The following PABPC4L variants were observed in gnomAD, a reference collection of about 807,000 sequenced individuals.
The protein encoded by PABPC4L is polyadenylate-binding protein 4-like.
For synonymous variants in PABPC4L, 169 were observed against 164.1 expected (o/e 1.03, Z -0.23); for missense variants, 452 against 451.4 (o/e 1.00, Z -0.01).
In PABPC4L at chr4:134,199,808, C is replaced by G; in HGVS notation, c.*99G>C. The G allele has an allele frequency of 7.1e-7, 1 of 1,405,772 alleles. No individual in the cohort carries two copies. 87.1% of individuals were successfully genotyped at this position (1,405,772 alleles called of 1,614,324 possible). ...AAAGTTTACTAAACTAAGCACCCAT[C>G]ATGTGGAATATGAAATTTACTGAGG... On this transcript the variant is annotated 3_prime_UTR_variant, in exon 2 of 2. Transcript: ENST00000421491.
chr4:134,009,381 A>G, the PABPC4L span, among the ~76,000 whole-genome samples: 2 of 152,000 alleles, frequency 1.3e-5, no homozygotes, highest in South Asian at 2.1e-4. Context: ...GACTATACTT[A>G]ATAGACTATA....
the PABPC4L span, among the ~76,000 whole-genome samples, chr4:134,122,732 T>C: frequency 6.6e-6 from 1 of 151,878 alleles, no homozygotes; most frequent in Non-Finnish European, 1.5e-5. Flanking sequence ...TCTTTGATTA[T>C]TAATACAAAT....
chr4:134,093,664 T>G, the PABPC4L span, among the ~76,000 whole-genome samples: 1 of 150,618 alleles, frequency 6.6e-6, no homozygotes, highest in African/African-American at 2.4e-5. Context: ...GAGACCACCA[T>G]CAGGGTCAGA....
the PABPC4L span, among the ~76,000 whole-genome samples, chr4:134,018,428 G>A: frequency 2.6e-5 from 4 of 152,088 alleles, no homozygotes; most frequent in African/African-American, 4.8e-5. Flanking sequence ...ACATATCACA[G>A]GCATTTGGTG....
At chr4:134,066,281 C>T in the PABPC4L span, among the ~76,000 whole-genome samples, 1 of 152,002 alleles carries the variant, frequency 6.6e-6, no homozygotes, top group Non-Finnish European at 1.5e-5. Context: ...TAGCTCTATT[C>T]CTAGACATTT....
At chr4:134,038,552 A>G in the PABPC4L span, among the ~76,000 whole-genome samples, 78,374 of 151,842 alleles carry the variant, frequency 0.52, 21,600 homozygotes, top group East Asian at 0.93. Flanking sequence ...AGTCTTGGGA[A>G]GGTGTATGTG....
chr4:133,978,884 T>C, the PABPC4L span: 2 of 152,166 alleles, frequency 1.3e-5, no homozygotes. Context: ...TCCAGGAAAT[T>C]ACTGGACATC....
chr4:134,017,227 T>C, the PABPC4L span, among the ~76,000 whole-genome samples: 1 of 152,104 alleles, frequency 6.6e-6, no homozygotes, highest in Non-Finnish European at 1.5e-5. Flanking sequence ...ACCAAGTTCA[T>C]CCACCAACTT....
At chr4:134,134,492 A>T in the PABPC4L span, among the ~76,000 whole-genome samples, 1 of 151,794 alleles carries the variant, frequency 6.6e-6, no homozygotes, top group African/African-American at 2.4e-5. Context: ...AAGCAAAGTA[A>T]TTTTTTTAAA....
chr4:134,009,851 A>C, the PABPC4L span, among the ~76,000 whole-genome samples: 65 of 152,184 alleles, frequency 4.3e-4, no homozygotes, highest in Non-Finnish European at 9.0e-4. Context: ...TTCTATACTA[A>C]TGTCAAAGAG....
chr4:134,037,051 C>T, the PABPC4L span, among the ~76,000 whole-genome samples: 1 of 83,118 alleles, frequency 1.2e-5, no homozygotes, highest in East Asian at 1.5e-3. Flanking sequence ...AGCAAAACTC[C>T]ATCTCAAAAA....
At chr4:134,178,311 C>T in the PABPC4L span, among the ~76,000 whole-genome samples, 1 of 136,252 alleles carries the variant, frequency 7.3e-6, no homozygotes, top group Admixed American at 8.0e-5. Flanking sequence ...GTGAGTAAAC[C>T]AAACACACCA....
the PABPC4L span, among the ~76,000 whole-genome samples, chr4:134,096,397 G>T: frequency 6.6e-5 from 10 of 151,782 alleles, no homozygotes; most frequent in African/African-American, 1.2e-4. Context: ...ATCAACATAG[G>T]CTTAAATTTT....
the PABPC4L span, among the ~76,000 whole-genome samples, chr4:134,002,410 A>T: frequency 6.6e-6 from 1 of 151,968 alleles, no homozygotes; most frequent in Admixed American, 6.6e-5. Context: ...AAAGTGATAG[A>T]CATATATTTG....
chr4:133,992,261 C>A, the PABPC4L span, among the ~76,000 whole-genome samples: 2 of 152,182 alleles, frequency 1.3e-5, no homozygotes, highest in South Asian at 4.1e-4. Flanking sequence ...ATGGGCTTCT[C>A]CCCTGTGGTA....
the PABPC4L span, among the ~76,000 whole-genome samples, chr4:134,133,320 T>C: frequency 1.4e-5 from 2 of 141,870 alleles, no homozygotes; most frequent in Admixed American, 7.3e-5. Context: ...TACATAATTA[T>C]ATATTTAATT....
At chr4:133,952,377 A>G in the PABPC4L span, among the ~76,000 whole-genome samples, 7 of 152,158 alleles carry the variant, frequency 4.6e-5, no homozygotes, top group East Asian at 1.4e-3. Flanking sequence ...TTCATAGGAT[A>G]TTTTACTAAG....
chr4:134,174,010 A>C, the PABPC4L span, among the ~76,000 whole-genome samples: 10 of 152,274 alleles, frequency 6.6e-5, no homozygotes, highest in South Asian at 1.9e-3. Context: ...CAGCTGTACA[A>C]AAATATTTTC....
At chr4:133,998,559 C>A in the PABPC4L span, among the ~76,000 whole-genome samples, 3 of 152,034 alleles carry the variant, frequency 2.0e-5, no homozygotes, top group East Asian at 5.8e-4. Context: ...ATATTATAAA[C>A]CCATTACCCT....
Sources: allele counts gnomAD v4.1 joint callset (sites outside exome capture counted in the v4.1 genomes callset), GRCh38; gene constraint gnomAD v4.1.1; transcripts MANE v1.5; gene names NCBI Gene and HGNC (gene_info 2026-07-23, HGNC 2026-07-21).